Variants in SCHIP1 observed in about 807,000 individuals in gnomAD.
SCHIP1 encodes schwannomin interacting protein 1.
A neutral mutation model predicts 29.7 loss-of-function variants in SCHIP1; 8 were observed. The ratio of observed to expected loss-of-function variants is 0.27; its 90% confidence interval spans 0.16 to 0.49. The LOEUF (loss-of-function observed/expected upper bound fraction) is 0.49, where lower values mean the gene tolerates loss of function less well. Ranked by LOEUF, SCHIP1 falls within the 20% of genes least tolerant of loss-of-function variation. The pLI, the probability that SCHIP1 is intolerant of heterozygous loss-of-function variation, is 0.99. For synonymous variants in SCHIP1, 76 were observed against 94.9 expected (o/e 0.80, Z 1.16); for missense variants, 193 against 294.6 (o/e 0.66, Z 2.52).
the SCHIP1 span, among the ~76,000 whole-genome samples, chr3:159,623,985 T>C: frequency 6.6e-6 from 1 of 152,182 alleles, no homozygotes; most frequent in South Asian, 2.1e-4. Context: ...AAGATTCTCC[T>C]ACAAGGCAGA....
At chr3:159,506,425 A>T in the SCHIP1 span, among the ~76,000 whole-genome samples, 1 of 152,000 alleles carries the variant, frequency 6.6e-6, no homozygotes, top group Admixed American at 6.5e-5. Flanking sequence ...TTGCCTGTTC[A>T]CTCTGATGGT....
chr3:159,461,592 T>C, the SCHIP1 span, among the ~76,000 whole-genome samples: 1 of 151,970 alleles, frequency 6.6e-6, no homozygotes, highest in Non-Finnish European at 1.5e-5. Context: ...TTTCTTTTTT[T>C]TGAGACAGAG....
At chr3:159,717,783 C>T in the SCHIP1 span, among the ~76,000 whole-genome samples, 1 of 152,162 alleles carries the variant, frequency 6.6e-6, no homozygotes, top group Non-Finnish European at 1.5e-5. Context: ...GGATTCACAG[C>T]CAAATTCTTC....
the SCHIP1 span, among the ~76,000 whole-genome samples, chr3:159,438,043 G>C: frequency 6.6e-6 from 1 of 152,114 alleles, no homozygotes; most frequent in Admixed American, 6.6e-5. Context: ...TATATGTAAA[G>C]TGCTTATACA....
the SCHIP1 span, among the ~76,000 whole-genome samples, chr3:159,349,615 C>T: frequency 6.6e-6 from 1 of 152,074 alleles, no homozygotes; most frequent in East Asian, 1.9e-4. Flanking sequence ...TTTTTATTAT[C>T]ATTGTGGTTA....
the SCHIP1 span, among the ~76,000 whole-genome samples, chr3:159,312,089 C>T: frequency 6.6e-6 from 1 of 152,184 alleles, no homozygotes; most frequent in Non-Finnish European, 1.5e-5. Flanking sequence ...GACATTCAAG[C>T]ATGCTTGCTT....
chr3:159,878,606 G>A (rs1435385761), intron 2 of SCHIP1, among the ~76,000 whole-genome samples: 27 of 150,472 alleles, frequency 1.8e-4, no homozygotes, highest in Middle Eastern at 3.2e-3. Flanking sequence ...GTGAAACCCC[G>A]TCTCTACTAA....
chr3:159,526,589 A>G, the SCHIP1 span, among the ~76,000 whole-genome samples: 14 of 152,230 alleles, frequency 9.2e-5, no homozygotes, highest in Non-Finnish European at 1.6e-4. Context: ...ACTTGTGCCC[A>G]TCAAATGATA....
At chr3:159,321,417 C>T in the SCHIP1 span, among the ~76,000 whole-genome samples, 1 of 152,076 alleles carries the variant, frequency 6.6e-6, no homozygotes, top group Non-Finnish European at 1.5e-5. Flanking sequence ...TTCTGATATT[C>T]CAGAGATGGT....
rs369801943 is a variant in SCHIP1 at position 159,893,453 on chromosome 3, A to G, written c.683+1263A>G. On this transcript the variant is annotated intron_variant, in intron 6 of 6. Coordinates refer to ENST00000445224, the Ensembl canonical transcript of SCHIP1. The stretch of plus-strand genomic sequence containing the variant: ...TTTTTTGTTAGTTTAAGAAGTTTGC[A>G]TGCAGGTGTTAAGATTATGGGAAAT... 33 of 152,350 alleles carry G rather than the reference A, an allele frequency of 2.2e-4. 1 individual carries two copies. The East Asian group carries it at 5.8e-3, about 27-fold the overall frequency. 9.4% of individuals were successfully genotyped at this position (152,350 alleles called of 1,614,324 possible). A position where few individuals can be genotyped will look rare whatever the true frequency, so the allele number is the denominator to read the frequency against.
chr3:159,397,540 G>A, the SCHIP1 span, among the ~76,000 whole-genome samples: 1 of 152,138 alleles, frequency 6.6e-6, no homozygotes. Flanking sequence ...CCTTCTAAAA[G>A]ATAGGACCCT....
chr3:159,468,756 A>ATAATATAT, the SCHIP1 span, among the ~76,000 whole-genome samples: 6 of 123,858 alleles, frequency 4.8e-5, no homozygotes, highest in African/African-American at 1.8e-4. Context: ...TATATAATAT[A>ATAATATAT]ATATATATAT....
chr3:159,314,055 G>C, the SCHIP1 span, among the ~76,000 whole-genome samples: 1 of 152,158 alleles, frequency 6.6e-6, no homozygotes, highest in South Asian at 2.1e-4. Flanking sequence ...AGTGATATCT[G>C]TCAGGTTTCT....
chr3:159,832,656 G>A, the SCHIP1 span, among the ~76,000 whole-genome samples: 1 of 151,990 alleles, frequency 6.6e-6, no homozygotes, highest in African/African-American at 2.4e-5. Context: ...TCTCCTCCGC[G>A]TCCCTGCAGT....
chr3:159,700,772 C>T, the SCHIP1 span, among the ~76,000 whole-genome samples: 13 of 150,484 alleles, frequency 8.6e-5, no homozygotes, highest in Non-Finnish European at 1.8e-4. Flanking sequence ...AAGATCGTGC[C>T]ACTGTACTCC....
chr3:159,369,035 A>G, the SCHIP1 span, among the ~76,000 whole-genome samples: 1 of 152,148 alleles, frequency 6.6e-6, no homozygotes, highest in Non-Finnish European at 1.5e-5. Context: ...AAGAGAAGTG[A>G]TGGTATCTGG....
At chr3:159,464,616 T>C in the SCHIP1 span, among the ~76,000 whole-genome samples, 1 of 152,306 alleles carries the variant, frequency 6.6e-6, no homozygotes, top group South Asian at 2.1e-4. Flanking sequence ...AATCCCTTCA[T>C]GCTTTTATCC....
At chr3:159,407,964 C>T in the SCHIP1 span, among the ~76,000 whole-genome samples, 2 of 151,994 alleles carry the variant, frequency 1.3e-5, no homozygotes, top group Non-Finnish European at 2.9e-5. Flanking sequence ...AACGATGCAT[C>T]AAAGAACTAG....
At chr3:159,664,361 T>C in the SCHIP1 span, among the ~76,000 whole-genome samples, 6 of 152,298 alleles carry the variant, frequency 3.9e-5, no homozygotes, top group African/African-American at 9.6e-5. Flanking sequence ...TAGTCCCTTA[T>C]TCATTGCTTT....
Sources: gnomAD v4.1 joint callset for allele counts (sites outside exome capture counted in the v4.1 genomes callset) on GRCh38, gnomAD v4.1.1 for gene constraint, MANE v1.5 for transcripts, NCBI Gene and HGNC (gene_info 2026-07-23, HGNC 2026-07-21) for gene names.